CDH12: variants seen among roughly 807,000 people sequenced by gnomAD.
CDH12 encodes the protein cadherin 12.
Under a neutral mutation model 74.1 loss-of-function variants are expected in CDH12, and 41 were observed. The observed-to-expected ratio is 0.55, with a 90% CI of 0.43 to 0.72. CDH12 has a LOEUF of 0.72. Ranked by LOEUF, CDH12 falls within the 30% of genes least tolerant of loss-of-function variation. The pLI is 0.00. For missense variants in CDH12, 945 were observed against 977.2 expected (o/e 0.97, Z 0.44); for synonymous variants, 399 against 355.0 (o/e 1.12, Z -1.39).
chr5:22,682,695 C>T (rs1741558706), intron 1 of CDH12, among the ~76,000 whole-genome samples: 1 of 146,588 alleles, frequency 6.8e-6, no homozygotes, highest in Non-Finnish European at 1.5e-5. Context: ...AAGTTTTTAA[C>T]TGGAATATTA....
chr5:22,288,199 A>C (rs74717253), intron 3 of CDH12, among the ~76,000 whole-genome samples: 3,272 of 152,276 alleles, frequency 0.021, 55 homozygotes, highest in Non-Finnish European at 0.034. Context: ...ATGTCTCCTT[A>C]CATCTTCTAT....
chr5:22,693,858 T>C (rs1742212134), intron 1 of CDH12, among the ~76,000 whole-genome samples: 3 of 152,150 alleles, frequency 2.0e-5, no homozygotes, highest in African/African-American at 7.2e-5. Flanking sequence ...GCTGCAGAAT[T>C]GTACACTGAT....
chr5:22,138,862 A>ACG (rs1746620100), intron 4 of CDH12, among the ~76,000 whole-genome samples: 1 of 134,874 alleles, frequency 7.4e-6, no homozygotes, highest in African/African-American at 2.7e-5. Context: ...ATATATATAT[A>ACG]TATATATATA....
intron 3 of CDH12, among the ~76,000 whole-genome samples, chr5:22,258,131 T>C (rs1414672518): frequency 6.6e-6 from 1 of 152,100 alleles, no homozygotes; most frequent in East Asian, 1.9e-4. Context: ...TTTTACCATC[T>C]TGTGAAAGGT....
chr5:21,905,613 C>T (rs1753605098), intron 6 of CDH12, among the ~76,000 whole-genome samples: 1 of 152,186 alleles, frequency 6.6e-6, no homozygotes, highest in African/African-American at 2.4e-5. Context: ...CTCCCAATTC[C>T]AGTCAAACAA....
In CDH12 at chr5:22,316,571, T is replaced by A. The variant is rs190376207; in HGVS notation, c.-333+88686A>T. Reference sequence around the variant, plus strand: ...ACAACCAAATACATGATGTGATTGATTTTTATTAGTTACTTTTGAAACCAG... The same window carrying A: ...ACAACCAAATACATGATGTGATTGAATTTTATTAGTTACTTTTGAAACCAG... On this transcript the variant is annotated intron_variant, in intron 3 of 14. Transcript: ENST00000382254. Among the ~76,000 whole-genome samples the A allele has an allele frequency of 9.2e-4, 140 of 152,262 alleles. 2 individuals are homozygous for A. Among genetic ancestry groups the A allele is most frequent in the East Asian group, 7.0e-3 (36 of 5,164 alleles).
chr5:21,830,199 CAAAAA>C (rs1055199877), intron 8 of CDH12, among the ~76,000 whole-genome samples: 5 of 25,246 alleles, frequency 2.0e-4, no homozygotes, highest in African/African-American at 4.8e-4. Flanking sequence ...AACTCCTTCT[CAAAAA>C]AAAAAAAAAA....
chr5:21,898,535 T>C (rs1753231702), intron 6 of CDH12, among the ~76,000 whole-genome samples: 1 of 151,930 alleles, frequency 6.6e-6, no homozygotes. Flanking sequence ...ACCCCGTCTC[T>C]ACTAAAAATA....
intron 6 of CDH12, among the ~76,000 whole-genome samples, chr5:21,887,707 A>G (rs549238132): frequency 6.6e-6 from 1 of 152,242 alleles, no homozygotes; most frequent in South Asian, 2.1e-4. Context: ...TCCTTCATAT[A>G]TGATTAAAAT....
chr5:21,831,484 C>A (rs1161879820), intron 8 of CDH12, among the ~76,000 whole-genome samples: 1 of 152,148 alleles, frequency 6.6e-6, no homozygotes, highest in Non-Finnish European at 1.5e-5. Context: ...ATAATGATCG[C>A]CCTATTCTCT....
chr5:22,802,310 T>C (rs985741546), intron 1 of CDH12, among the ~76,000 whole-genome samples: 4 of 151,796 alleles, frequency 2.6e-5, no homozygotes, highest in Non-Finnish European at 4.4e-5. Context: ...TTAGTAGAGA[T>C]GGGGTTTCAC....
At chr5:22,052,374 C>T (rs2150195468) in intron 5 of CDH12, among the ~76,000 whole-genome samples, 1 of 152,256 alleles carries the variant, frequency 6.6e-6, no homozygotes, top group African/African-American at 2.4e-5. Flanking sequence ...CTTCTCCTTT[C>T]AGCCAGTGTT....
chr5:22,794,259 G>A (rs1748072891), intron 1 of CDH12, among the ~76,000 whole-genome samples: 1 of 152,106 alleles, frequency 6.6e-6, no homozygotes, highest in East Asian at 1.9e-4. Flanking sequence ...AGAATCAATT[G>A]GACAAACAGA....
chr5:21,780,885 G>A (rs1262686857), intron 11 of CDH12, among the ~76,000 whole-genome samples: 2 of 152,206 alleles, frequency 1.3e-5, no homozygotes, highest in East Asian at 1.9e-4. Context: ...AAATGAATGA[G>A]GAAAACATAT....
chr5:22,770,603 A>G (rs1256469914), intron 1 of CDH12, among the ~76,000 whole-genome samples: 1 of 152,166 alleles, frequency 6.6e-6, no homozygotes, highest in Non-Finnish European at 1.5e-5. Context: ...TATCATTTAA[A>G]GAAAAGAAAT....
intron 5 of CDH12, among the ~76,000 whole-genome samples, chr5:22,071,162 T>C (rs894298086): frequency 2.0e-5 from 3 of 151,970 alleles, no homozygotes; most frequent in African/African-American, 7.2e-5. Flanking sequence ...AATAATAAAA[T>C]TGTTTGCATA....
Position 22,512,634 on chromosome 5 carries a change from G to A in CDH12, c.-522-7270C>T, listed in dbSNP as rs575855009. ...TGTAAGAAGCTGCAACTTGGGCATA[G>A]ACATACATCTTGTTTCCAATGCCCC... On this transcript the variant is annotated intron_variant, in intron 1 of 14. Coordinates refer to ENST00000382254, the MANE Select transcript of CDH12 (RefSeq NM_004061.5). 2.4e-3 allele frequency among the ~76,000 whole-genome samples: 368 copies of A among 152,304 alleles called. 2 individuals are homozygous for A. Among genetic ancestry groups the A allele is most frequent in the Non-Finnish European group, 4.4e-3 (300 of 68,020 alleles).
intron 6 of CDH12, chr5:21,889,892 T>C (rs926822122): frequency 3.1e-6 from 3 of 976,916 alleles, no homozygotes; most frequent in Non-Finnish European, 3.6e-6. Context: ...GCATATAAGT[T>C]ACCCCACACT....
chr5:22,273,624 T>C (rs1736502089), intron 3 of CDH12, among the ~76,000 whole-genome samples: 1 of 152,184 alleles, frequency 6.6e-6, no homozygotes, highest in African/African-American at 2.4e-5. Flanking sequence ...GTGCATTTCC[T>C]ACCTGAAGAA....
Sources: allele counts gnomAD v4.1 joint callset (sites outside exome capture counted in the v4.1 genomes callset), GRCh38; gene constraint gnomAD v4.1.1; transcripts MANE v1.5; gene names NCBI Gene and HGNC (gene_info 2026-07-23, HGNC 2026-07-21).